The following ZNF383 variants were observed in gnomAD, a reference collection of about 807,000 sequenced individuals.
The protein encoded by ZNF383 is zinc finger protein 383.
In ZNF383, 32 loss-of-function variants were observed where a neutral mutation model predicts 44.2. The observed-to-expected ratio is 0.72, with a 90% CI of 0.55 to 0.97. The LOEUF is 0.97. ZNF383 is among the 50% of genes least tolerant of loss of function. ZNF383 has a pLI of 0.00. For missense variants in ZNF383, 487 were observed against 562.5 expected (o/e 0.87, Z 1.36); for synonymous variants, 155 against 186.2 (o/e 0.83, Z 1.36).
At chr19:37,238,583 A>C (rs1973935222) in intron 5 of ZNF383, among the ~76,000 whole-genome samples, 1 of 152,120 alleles carries the variant, frequency 6.6e-6, no homozygotes, top group African/African-American at 2.4e-5. Context: ...GGAAGAGCCA[A>C]GTACTCGAGT....
chr19:37,239,858 A>G (rs184130121), intron 5 of ZNF383, among the ~76,000 whole-genome samples: 411 of 152,208 alleles, frequency 2.7e-3, no homozygotes, highest in African/African-American at 9.6e-3. Context: ...GCTTAACTAG[A>G]TGAAAGTTAC....
chr19:37,222,983 A>G (rs906345260), intron 1 of ZNF383, among the ~76,000 whole-genome samples: 1 of 152,242 alleles, frequency 6.6e-6, no homozygotes, highest in Admixed American at 6.5e-5. Flanking sequence ...ATAAAGAGGA[A>G]TAGTTTATAA....
At chr19:37,229,349 C>T (rs994009280) in intron 2 of ZNF383, among the ~76,000 whole-genome samples, 5 of 147,244 alleles carry the variant, frequency 3.4e-5, no homozygotes, top group South Asian at 2.1e-4. Flanking sequence ...TTAGTAGAGA[C>T]GGTTTCTCCA....
At chr19:37,236,660 C>T (rs929436035) in intron 5 of ZNF383, among the ~76,000 whole-genome samples, 1 of 151,702 alleles carries the variant, frequency 6.6e-6, no homozygotes, top group Non-Finnish European at 1.5e-5. Context: ...ACCTCTGCCT[C>T]CCGGGTTCAG....
intron 3 of ZNF383, 148 bp downstream of exon 3, chr19:37,230,610 C>G: frequency 1.3e-6 from 1 of 748,706 alleles, no homozygotes; most frequent in South Asian, 1.7e-5. Flanking sequence ...CTAGATAATC[C>G]TATACCATCT....
rs187249779 is a variant in ZNF383, at chr19:37,248,431, T to C, written c.*4767T>C. 51 of 152,342 alleles carry C rather than the reference T, an allele frequency of 3.3e-4. No homozygotes were observed. Among genetic ancestry groups the C allele is most frequent in the African/African-American group, 8.9e-4 (37 of 41,580 alleles). 9.4% of individuals were successfully genotyped at this position (152,342 alleles called of 1,614,324 possible). A position where few individuals can be genotyped will look rare whatever the true frequency, so the allele number is the denominator to read the frequency against. ...CCATTGAAAATAAATATTTGTCACA[T>C]TCTGAATTTAGGAAAAAACAATTCT... On this transcript the variant is annotated 3_prime_UTR_variant, in exon 6 of 6. Transcript: ENST00000684119.
intron 3 of ZNF383, among the ~76,000 whole-genome samples, chr19:37,235,110 T>A (rs1448738332): frequency 6.6e-6 from 1 of 152,060 alleles, no homozygotes; most frequent in African/African-American, 2.4e-5. Context: ...CTGTCTCTAC[T>A]TAAAATACAA....
rs1212444177 is a variant in ZNF383 at position 37,242,619 on chromosome 19, C to T, written c.383C>T (p.Ala128Val). 6.2e-7 allele frequency: 1 copy of T among 1,613,964 alleles called. No homozygotes were observed. Among genetic ancestry groups the T allele is most frequent in the African/African-American group, 1.3e-5 (1 of 74,998 alleles). The stretch of plus-strand genomic sequence containing the variant: ...GTTTTGGAATATAGAAGCCACCTTG[C>T]AAAACAACTGGGATATCCAAATGGG... ...GDVLEYRSHL[A>V]KQLGYPNGHF... Residue 128 changes from alanine to valine, a missense_variant, in exon 6 of 6, where the codon GCA becomes GTA. Coordinates refer to ENST00000684119, the MANE Select transcript of ZNF383 (RefSeq NM_001387601.1).
At chr19:37,222,441 A>G (rs779067183) in intron 1 of ZNF383, among the ~76,000 whole-genome samples, 1 of 152,086 alleles carries the variant, frequency 6.6e-6, no homozygotes, top group African/African-American at 2.4e-5. Flanking sequence ...CAATGGCACC[A>G]TCTCTGCTCA....
chr19:37,229,810 T>A (rs1400755622), intron 2 of ZNF383, among the ~76,000 whole-genome samples: 9 of 147,692 alleles, frequency 6.1e-5, no homozygotes, highest in African/African-American at 2.0e-4. Flanking sequence ...ATATTTTTTT[T>A]TTTTTTTCAA....
At chr19:37,221,796 A>T (rs1395115711) in intron 1 of ZNF383, among the ~76,000 whole-genome samples, 3 of 150,700 alleles carry the variant, frequency 2.0e-5, no homozygotes, top group Non-Finnish European at 3.0e-5. Flanking sequence ...AAAAAAAAAA[A>T]ATACAAAAAA....
At position 37,245,601 on chromosome 19, in the gene ZNF383, A is replaced by G. The variant is rs988091571; in HGVS notation, c.*1937A>G. ...GCGATTCTCCTGCCTCAGCCTTCCT[A>G]GTATCTGAGACTACAGGCGCACGAC... On this transcript the variant is annotated 3_prime_UTR_variant, in exon 6 of 6. Coordinates refer to ENST00000684119, the MANE Select transcript of ZNF383 (RefSeq NM_001387601.1). The G allele has an allele frequency of 1.3e-5, 2 of 151,006 alleles. No individual in the cohort carries two copies. The highest frequency in any genetic ancestry group is 4.9e-5 in the African/African-American group (2 of 41,020). 9.4% of individuals were successfully genotyped at this position (151,006 alleles called of 1,614,324 possible).
intron 2 of ZNF383, among the ~76,000 whole-genome samples, chr19:37,229,458 C>CTT (rs569416608): frequency 1.2e-4 from 15 of 123,972 alleles, no homozygotes; most frequent in African/African-American, 1.8e-4. Context: ...CTGCACCCAG[C>CTT]TTTTTTTTTT....
At chr19:37,221,926 A>T (rs1972938426) in intron 1 of ZNF383, among the ~76,000 whole-genome samples, 1 of 148,408 alleles carries the variant, frequency 6.7e-6, no homozygotes, top group Admixed American at 6.8e-5. Context: ...ACCGCACTCC[A>T]GCCTGGCCGA....
rs377636072 is a variant in ZNF383 at position 37,235,598 on chromosome 19, G to A, written c.59G>A (p.Trp20Ter). 3.7e-6 allele frequency: 6 copies of A among 1,613,830 alleles called. No homozygotes were observed. Among genetic ancestry groups the A allele is most frequent in the East Asian group, 2.2e-5 (1 of 44,866 alleles). ...DVSIDFSQEEWDCLDPVQRDL... is the reference protein window; with the variant it reads ...DVSIDFSQEE The stretch of plus-strand genomic sequence containing the variant: ...TCCATAGACTTCTCTCAGGAGGAGT[G>A]GGACTGCCTGGACCCTGTTCAGAGG... The change falls in exon 4 of 6, where the codon TGG (tryptophan) becomes TAG (stop). Residue 20 changes from tryptophan to a stop codon, truncating the protein, a stop_gained. Coordinates refer to ENST00000684119, the MANE Select transcript of ZNF383 (RefSeq NM_001387601.1). LOFTEE classifies it high-confidence loss of function.
intron 1 of ZNF383, among the ~76,000 whole-genome samples, chr19:37,224,314 TAATA>T (rs1462046410): frequency 2.6e-5 from 4 of 152,244 alleles, no homozygotes; most frequent in Admixed American, 1.3e-4. Context: ...TTAATAAAAT[TAATA>T]AATCTCTAAC....
rs1235011332 is a variant in ZNF383, at chr19:37,235,922, G to A, written c.137-57G>A. The A allele has an allele frequency of 2.3e-5, 34 of 1,448,202 alleles. 1 individual carries two copies. The South Asian group carries it at 3.4e-4, about 15-fold the overall frequency. The allele number at this position is 1,448,202 out of a possible 1,614,324, so 89.7% of individuals were successfully genotyped here. ...GCATCTCTTCCTGTGATCATCAAGG[G>A]ACTGGATCTCCTTTACCCCCAGCAT... On this transcript the variant is annotated intron_variant, in intron 4 of 5. Transcript: ENST00000684119.
chr19:37,219,841 A>G (rs1972835620), intron 1 of ZNF383: 1 of 152,232 alleles, frequency 6.6e-6, no homozygotes, highest in Non-Finnish European at 1.5e-5. Context: ...GTTTCTATTC[A>G]AGAAAATGAT....
At chr19:37,240,531 T>A (rs1568531096) in intron 5 of ZNF383, among the ~76,000 whole-genome samples, 1 of 152,206 alleles carries the variant, frequency 6.6e-6, no homozygotes, top group Admixed American at 6.5e-5. Context: ...TATCTTTCTA[T>A]GGCAGTATGT....
Sources: gnomAD v4.1 joint callset for allele counts (sites outside exome capture counted in the v4.1 genomes callset) on GRCh38, gnomAD v4.1.1 for gene constraint, MANE v1.5 for transcripts, NCBI Gene and HGNC (gene_info 2026-07-23, HGNC 2026-07-21) for gene names.